The following RUFY1 variants were observed in gnomAD, a reference collection of about 807,000 sequenced individuals.
The protein encoded by RUFY1 is RUN and FYVE domain-containing protein 1.
RUFY1 carries 54 observed loss-of-function variants against 94.6 expected under a neutral mutation model. The observed-to-expected ratio is 0.57, with a 90% CI of 0.46 to 0.72. The LOEUF (loss-of-function observed/expected upper bound fraction) is 0.72, where lower values mean the gene tolerates loss of function less well. Among genes scored for constraint, RUFY1 ranks in the 30% least tolerant of loss-of-function variants. RUFY1 has a pLI of 0.00. For missense variants in RUFY1, 883 were observed against 883.9 expected (o/e 1.00, Z 0.01); for synonymous variants, 396 against 347.3 (o/e 1.14, Z -1.56).
In RUFY1 at chr5:179,550,701, G is replaced by T; in HGVS notation, c.132G>T (p.Leu44=). The change falls in exon 1 of 18, where the codon CTG becomes CTT. Residue 44 remains leucine (L), a synonymous_variant. Transcript: ENST00000319449. ...EEFEIVDRSQ[L]PGPGDLRSAT... ...TTGAGATCGTGGACCGAAGCCAGCTGCCCGGCCCAGGCGACCTGCGGAGCG... is the reference window on the plus strand; with the variant it reads ...TTGAGATCGTGGACCGAAGCCAGCTTCCCGGCCCAGGCGACCTGCGGAGCG... 1.3e-6 allele frequency: 2 copies of T among 1,493,644 alleles called. No individual in the cohort carries two copies. Among genetic ancestry groups the T allele is most frequent in the Non-Finnish European group, 1.8e-6 (2 of 1,127,230 alleles). 92.5% of individuals were successfully genotyped at this position (1,493,644 alleles called of 1,614,324 possible). A position where few individuals can be genotyped will look rare whatever the true frequency, so the allele number is the denominator to read the frequency against.
At chr5:179,585,994 C>G (rs566777325) in intron 8 of RUFY1, 129 bp downstream of exon 8, 461 of 708,102 alleles carry the variant, frequency 6.5e-4, no homozygotes, top group Non-Finnish European at 1.0e-3. Flanking sequence ...CCAGCTACCC[C>G]ACGTGGGACA....
At chr5:179,558,131 C>A (rs1414951640) in intron 1 of RUFY1, among the ~76,000 whole-genome samples, 3 of 152,146 alleles carry the variant, frequency 2.0e-5, no homozygotes, top group East Asian at 1.9e-4. Flanking sequence ...AAAGATAAAT[C>A]TTTACAAATT....
chr5:179,570,474 G>A (rs1485617761), intron 5 of RUFY1, among the ~76,000 whole-genome samples: 1 of 152,192 alleles, frequency 6.6e-6, no homozygotes, highest in Non-Finnish European at 1.5e-5. Context: ...TGCTCTGTGG[G>A]AAGGACAGCC....
intron 1 of RUFY1, among the ~76,000 whole-genome samples, chr5:179,551,571 A>C (rs1332830419): frequency 1.3e-5 from 2 of 150,812 alleles, no homozygotes; most frequent in Non-Finnish European, 3.0e-5. Flanking sequence ...GGCTCACTGC[A>C]CCCTCTGCCT....
intron 15 of RUFY1, among the ~76,000 whole-genome samples, 174 bp from the exon 16 acceptor site, chr5:179,605,702 T>C (rs1461406281): frequency 6.6e-6 from 1 of 152,084 alleles, no homozygotes; most frequent in Non-Finnish European, 1.5e-5. Flanking sequence ...GGAGCCAGTG[T>C]GATGAGGCAA....
chr5:179,597,618 C>T (rs536951972), intron 13 of RUFY1, among the ~76,000 whole-genome samples: 144 of 152,282 alleles, frequency 9.5e-4, no homozygotes, highest in African/African-American at 3.4e-3. Flanking sequence ...GTGATCCACC[C>T]GTCTCGGCCT....
chr5:179,608,549 G>C (rs1348744683), intron 17 of RUFY1: 5 of 985,366 alleles, frequency 5.1e-6, no homozygotes, highest in Non-Finnish European at 6.0e-6. Context: ...GCAGCAAAGA[G>C]AACGAACCAG....
At chr5:179,568,351 C>T (rs1172529377) in intron 4 of RUFY1, among the ~76,000 whole-genome samples, 1 of 152,162 alleles carries the variant, frequency 6.6e-6, no homozygotes, top group African/African-American at 2.4e-5. Flanking sequence ...GGAATGTTCT[C>T]TAGACTGTGA....
Position 179,609,629 on chromosome 5 carries a change from T to A in RUFY1, c.*110T>A. The A allele has an allele frequency of 8.6e-7, 1 of 1,164,608 alleles. No individual in the cohort carries two copies. Among genetic ancestry groups the A allele is most frequent in the Non-Finnish European group, 1.2e-6 (1 of 859,126 alleles). The allele number at this position is 1,164,608 out of a possible 1,614,324, so 72.1% of individuals were successfully genotyped here. A position where few individuals can be genotyped will look rare whatever the true frequency, so the allele number is the denominator to read the frequency against. ...GAGTATCAAAGGAAAGAATCAAATT[T>A]CTTGCCCGGTCACTGGCACTCCAGA... On this transcript the variant is annotated 3_prime_UTR_variant, in exon 18 of 18. Transcript: ENST00000319449.
intron 14 of RUFY1, among the ~76,000 whole-genome samples, chr5:179,601,656 T>C (rs764859125): frequency 2.6e-5 from 4 of 150,984 alleles, no homozygotes; most frequent in African/African-American, 4.9e-5. Flanking sequence ...CCGTCTCTAC[T>C]GAAAATACAA....
At chr5:179,558,136 C>T (rs1009031961) in intron 1 of RUFY1, among the ~76,000 whole-genome samples, 3 of 152,150 alleles carry the variant, frequency 2.0e-5, no homozygotes, top group Non-Finnish European at 4.4e-5. Flanking sequence ...TAAATCTTTA[C>T]AAATTGCTTT....
chr5:179,609,469 G>C lies in RUFY1; in HGVS notation c.2077G>C (p.Asp693His). Residue 693 changes from aspartate to histidine, a missense_variant, in exon 18 of 18, where the codon GAC (aspartate) becomes CAC (histidine). Coordinates refer to ENST00000319449, the MANE Select transcript of RUFY1 (RefSeq NM_025158.5). ...CTACCCCAAGCCGGTGCGAGTGTGC[G>C]ACAGCTGCCACACCCTGCTCCTGCA... ...PSYPKPVRVC[D>H]SCHTLLLQRC... The C allele has an allele frequency of 1.2e-6, 2 of 1,610,724 alleles. No individual in the cohort carries two copies. The highest frequency in any genetic ancestry group is 1.7e-6 in the Non-Finnish European group (2 of 1,179,582).
intron 8 of RUFY1, among the ~76,000 whole-genome samples, chr5:179,587,950 C>T (rs764587305): frequency 6.6e-6 from 1 of 151,898 alleles, no homozygotes; most frequent in Non-Finnish European, 1.5e-5. Flanking sequence ...ATCACTTGAG[C>T]CTAGGAGTTG....
intron 6 of RUFY1, among the ~76,000 whole-genome samples, chr5:179,577,460 C>T (rs1763712892): frequency 6.6e-6 from 1 of 151,622 alleles, no homozygotes; most frequent in South Asian, 2.1e-4. Context: ...CCACCGCGCC[C>T]AGCCACGTCA....
chr5:179,569,315 C>A lies in RUFY1; in HGVS notation c.718C>A (p.Pro240Thr). The A allele has an allele frequency of 7.4e-6, 12 of 1,613,666 alleles. No homozygotes were observed. The highest frequency in any genetic ancestry group is 8.5e-6 in the Non-Finnish European group (10 of 1,179,976). The change falls in exon 5 of 18, where the codon CCT becomes ACT. Residue 240 changes from proline to threonine, a missense_variant. Pro to Thr is a conservative substitution (Grantham distance 38, BLOSUM62 -1). Coordinates refer to ENST00000319449, the MANE Select transcript of RUFY1 (RefSeq NM_025158.5). ...NKHLLSEFYEPEALMMEEEGM... is the reference protein window; with the variant it reads ...NKHLLSEFYETEALMMEEEGM... Reference sequence around the variant, plus strand: ...CATCTCTTTCAGCGAGTTCTATGAGCCTGAGGCTTTAATGATGGAGGAAGA... The same window carrying A: ...CATCTCTTTCAGCGAGTTCTATGAGACTGAGGCTTTAATGATGGAGGAAGA...
At chr5:179,573,413 T>G (rs894119964) in intron 5 of RUFY1, among the ~76,000 whole-genome samples, 1 of 152,222 alleles carries the variant, frequency 6.6e-6, no homozygotes, top group African/African-American at 2.4e-5. Flanking sequence ...TACATAATAG[T>G]ATACATAAAG....
intron 2 of RUFY1, among the ~76,000 whole-genome samples, chr5:179,562,036 A>G (rs975453899): frequency 3.3e-5 from 5 of 151,924 alleles, no homozygotes; most frequent in Non-Finnish European, 7.4e-5. Flanking sequence ...AGAGCACAGT[A>G]AGCATATCAG....
chr5:179,591,218 C>T (rs1039068614), intron 9 of RUFY1, among the ~76,000 whole-genome samples: 11 of 150,338 alleles, frequency 7.3e-5, no homozygotes, highest in East Asian at 2.0e-4. Context: ...GGAGTCTTGC[C>T]CTGTCGCCCA....
intron 5 of RUFY1, among the ~76,000 whole-genome samples, chr5:179,570,615 TCGGGGCATC>T (rs1288075872): frequency 6.6e-6 from 1 of 152,140 alleles, no homozygotes; most frequent in Non-Finnish European, 1.5e-5. Flanking sequence ...CACCCCCTCT[TCGGGGCATC>T]CGCAGCTGTA....
Sources: allele counts gnomAD v4.1 joint callset (sites outside exome capture counted in the v4.1 genomes callset), GRCh38; gene constraint gnomAD v4.1.1; transcripts MANE v1.5; gene names NCBI Gene and HGNC (gene_info 2026-07-23, HGNC 2026-07-21).